QTGAL: variants seen among roughly 807,000 people sequenced by gnomAD.
QTGAL encodes the protein queuosine-tRNA galactosyltransferase, also known as BGnT-like protein 1.
the QTGAL span, chr17:83,006,572 C>A: frequency 1.0e-6 from 1 of 985,466 alleles, no homozygotes; most frequent in Non-Finnish European, 1.2e-6. The surrounding 1 kb of genome is among the most constrained non-coding windows in gnomAD (Gnocchi z 5.8). Context: ...ACCCGAGGCG[C>A]CCCTTACAGC....
At chr17:82,984,374 A>G in the QTGAL span, among the ~76,000 whole-genome samples, 1 of 150,894 alleles carries the variant, frequency 6.6e-6, no homozygotes, top group Non-Finnish European at 1.5e-5. Flanking sequence ...GGGAGAGGCC[A>G]CGTGATTATG....
the QTGAL span, among the ~76,000 whole-genome samples, chr17:83,029,081 G>C: frequency 6.6e-6 from 1 of 152,186 alleles, no homozygotes; most frequent in African/African-American, 2.4e-5. Flanking sequence ...ACCGGAGCCG[G>C]GAGCATGCAG....
chr17:82,995,140 G>T, the QTGAL span, among the ~76,000 whole-genome samples: 1 of 152,128 alleles, frequency 6.6e-6, no homozygotes, highest in Non-Finnish European at 1.5e-5. Flanking sequence ...TGACAAGCAT[G>T]CCTACTGTCA....
chr17:83,038,310 C>T, the QTGAL span, among the ~76,000 whole-genome samples: 18 of 152,204 alleles, frequency 1.2e-4, no homozygotes, highest in South Asian at 2.1e-4. Flanking sequence ...GGCAGCAGGA[C>T]GGCTCATTTC....
At chr17:82,993,963 T>C in the QTGAL span, among the ~76,000 whole-genome samples, 3 of 152,050 alleles carry the variant, frequency 2.0e-5, no homozygotes, top group Non-Finnish European at 2.9e-5. Flanking sequence ...AAACAAATGA[T>C]AATGGAAACA....
chr17:82,949,472 C>G, the QTGAL span: 1 of 152,168 alleles, frequency 6.6e-6, no homozygotes, highest in East Asian at 1.9e-4. Flanking sequence ...AACAACAGTG[C>G]CACCGAGGTG....
the QTGAL span, among the ~76,000 whole-genome samples, chr17:82,992,894 T>A: frequency 6.6e-6 from 1 of 152,296 alleles, no homozygotes; most frequent in East Asian, 1.9e-4. Context: ...TAAGTTGTTA[T>A]TAGCTTAAAA....
At chr17:82,979,259 A>AC in the QTGAL span, 3 of 152,318 alleles carry the variant, frequency 2.0e-5, no homozygotes, top group East Asian at 5.8e-4. Flanking sequence ...AATAACTAAT[A>AC]CCTAAAATGA....
the QTGAL span, chr17:82,942,996 C>T: frequency 5.9e-6 from 1 of 170,064 alleles, no homozygotes. Flanking sequence ...GCCCGTCTGC[C>T]TGGTGGGGGT....
the QTGAL span, among the ~76,000 whole-genome samples, chr17:82,989,200 A>G: frequency 6.6e-6 from 1 of 152,172 alleles, no homozygotes; most frequent in Non-Finnish European, 1.5e-5. Context: ...TTGCAGGGAC[A>G]TAGATGGAGG....
chr17:82,996,803 G>A, the QTGAL span, among the ~76,000 whole-genome samples: 1 of 152,144 alleles, frequency 6.6e-6, no homozygotes, highest in African/African-American at 2.4e-5. Flanking sequence ...GGAAGAGATG[G>A]TCTCTTCAAT....
At chr17:82,967,976 C>T in the QTGAL span, among the ~76,000 whole-genome samples, 1 of 152,114 alleles carries the variant, frequency 6.6e-6, no homozygotes, top group Admixed American at 6.6e-5. Context: ...TAAACACTGA[C>T]AGTACCAAGT....
chr17:82,980,281 C>G, the QTGAL span, among the ~76,000 whole-genome samples: 1 of 152,140 alleles, frequency 6.6e-6, no homozygotes, highest in African/African-American at 2.4e-5. Flanking sequence ...AGGGAAGCCC[C>G]CACGTAGAAA....
the QTGAL span, among the ~76,000 whole-genome samples, chr17:82,970,981 C>G: frequency 6.6e-6 from 1 of 152,176 alleles, no homozygotes; most frequent in Non-Finnish European, 1.5e-5. Flanking sequence ...GGAGAGAAAC[C>G]GAGGCAGCCG....
chr17:83,035,825 C>T, the QTGAL span, among the ~76,000 whole-genome samples: 5 of 121,080 alleles, frequency 4.1e-5, no homozygotes, highest in South Asian at 2.4e-4. Context: ...ACATGTGTGA[C>T]GGGCTGGTGG....
chr17:82,984,131 C>T, the QTGAL span, among the ~76,000 whole-genome samples: 3,258 of 53,824 alleles, frequency 0.061, 73 homozygotes, highest in African/African-American at 0.11. Context: ...GGAGAGGCCA[C>T]GTGAGGACGT....
chr17:83,042,141 T>C, the QTGAL span, among the ~76,000 whole-genome samples: 1 of 152,130 alleles, frequency 6.6e-6, no homozygotes, highest in African/African-American at 2.4e-5. Context: ...CCAAGGTGGG[T>C]GGATCACTTG....
chr17:82,949,486 T>C, the QTGAL span: 1 of 152,218 alleles, frequency 6.6e-6, no homozygotes, highest in South Asian at 2.1e-4. Context: ...CGAGGTGCCC[T>C]GAGACCCGCA....
chr17:82,984,933 C>T, the QTGAL span, among the ~76,000 whole-genome samples: 1 of 152,182 alleles, frequency 6.6e-6, no homozygotes, highest in Admixed American at 6.5e-5. Flanking sequence ...GAGTCCCCTT[C>T]GTGGCCCTGC....
Sources: gnomAD v4.1 joint callset for allele counts (sites outside exome capture counted in the v4.1 genomes callset) on GRCh38, gnomAD v4.1.1 for gene constraint, Gnocchi (gnomAD v3.1) non-coding constraint, MANE v1.5 for transcripts, NCBI Gene and HGNC (gene_info 2026-07-23, HGNC 2026-07-21) for gene names.